The following HDAC1 variants were observed in gnomAD, a reference collection of about 807,000 sequenced individuals.
HDAC1 encodes histone deacetylase 1, also known as protein deacetylase HDAC1.
HDAC1 carries 18 observed loss-of-function variants against 65.5 expected under a neutral mutation model. That is an observed-to-expected ratio of 0.27 (90% CI 0.19 to 0.41). HDAC1 has a LOEUF of 0.41. Among genes scored for constraint, HDAC1 ranks in the 10% least tolerant of loss-of-function variants. The pLI, the probability that HDAC1 is intolerant of heterozygous loss-of-function variation, is 1.00. For synonymous variants in HDAC1, 211 were observed against 227.9 expected (o/e 0.93, Z 0.67); for missense variants, 373 against 625.2 (o/e 0.60, Z 4.30).
chr1:32,324,376 C>T lies in HDAC1; in HGVS notation c.281-103C>T, dbSNP rs1054619080. 3.3e-5 allele frequency: 26 copies of T among 791,276 alleles called. No homozygotes were observed. In the African/African-American group the frequency reaches 3.6e-4, roughly 11 times the overall value. The allele number at this position is 791,276 out of a possible 1,614,324, so 49.0% of individuals were successfully genotyped here. ...CCAGGAAGTAGAGCCTGGACTAGAA[C>T]CCACACCTCCTGAATTTAAATTCTG... On this transcript the variant is annotated intron_variant, in intron 3 of 13. Coordinates refer to ENST00000373548, the MANE Select transcript of HDAC1 (RefSeq NM_004964.3).
Position 32,327,769 on chromosome 1 carries a change from C to A in HDAC1, c.636+92C>A. Reference sequence around the variant, plus strand: ...TCATGCCACTAAAAATTGCTTCTTGCCTCTTCTGCCAATCAGAATACCACA... The same window carrying A: ...TCATGCCACTAAAAATTGCTTCTTGACTCTTCTGCCAATCAGAATACCACA... On this transcript the variant is annotated intron_variant, in intron 6 of 13. Transcript: ENST00000373548. This position sits in a 1 kb window ranked among gnomAD's most constrained non-coding sequence, Gnocchi z 6.0. 1.8e-6 allele frequency: 2 copies of A among 1,085,916 alleles called. No homozygotes were observed. Among genetic ancestry groups the A allele is most frequent in the Non-Finnish European group, 1.4e-6 (1 of 712,522 alleles). 67.3% of individuals were successfully genotyped at this position (1,085,916 alleles called of 1,614,324 possible).
chr1:32,330,366 T>A lies in HDAC1; in HGVS notation c.730-212T>A. On this transcript the variant is annotated intron_variant, in intron 7 of 13. Coordinates refer to ENST00000373548, the MANE Select transcript of HDAC1 (RefSeq NM_004964.3). This position sits in a 1 kb window ranked among gnomAD's most constrained non-coding sequence, Gnocchi z 4.2. ...TCTAGGTTCAGTGTTACTAGAGTGT[T>A]AGAAGGGTCTTAGAGAACTTTTTAA... 3.7e-6 allele frequency: 2 copies of A among 542,372 alleles called. No individual in the cohort carries two copies. Among genetic ancestry groups the A allele is most frequent in the Non-Finnish European group, 6.7e-6 (2 of 299,922 alleles). 33.6% of individuals were successfully genotyped at this position (542,372 alleles called of 1,614,324 possible). A position where few individuals can be genotyped will look rare whatever the true frequency, so the allele number is the denominator to read the frequency against.
chr1:32,333,336 A>G lies in HDAC1; in HGVS notation c.*292A>G, dbSNP rs1570045617. The G allele has an allele frequency of 3.9e-6, 1 of 255,280 alleles. No individual in the cohort carries two copies. The highest frequency in any genetic ancestry group is 7.9e-5 in the East Asian group (1 of 12,668). The allele number at this position is 255,280 out of a possible 1,614,324, so 15.8% of individuals were successfully genotyped here. A position where few individuals can be genotyped will look rare whatever the true frequency, so the allele number is the denominator to read the frequency against. On this transcript the variant is annotated 3_prime_UTR_variant, in exon 14 of 14. Coordinates refer to ENST00000373548, the MANE Select transcript of HDAC1 (RefSeq NM_004964.3). ...CATAAGACAAACTCCTGAAATGCCA[A>G]GTGCCTGCTTAGTAGCTTTGGAAAG...
intron 2 of HDAC1, among the ~76,000 whole-genome samples, chr1:32,315,356 T>A (rs1000266721): frequency 2.0e-5 from 3 of 151,738 alleles, no homozygotes; most frequent in Admixed American, 6.6e-5. Context: ...ATATTTTTTT[T>A]AATTTATTTT....
chr1:32,313,081 AT>A lies in HDAC1; in HGVS notation c.163-3580del, dbSNP rs538923625. On this transcript the variant is annotated intron_variant, in intron 2 of 13. Transcript: ENST00000373548. Reference sequence around the variant, plus strand: ...GAGAGATTGCCCAATAACTTATTTTATTTTATTTATTTATTTATTTATTTAT... The same window carrying A: ...GAGAGATTGCCCAATAACTTATTTTATTTATTTATTTATTTATTTATTTAT... 3.5e-3 allele frequency among the ~76,000 whole-genome samples: 500 copies of A among 141,720 alleles called. 3 individuals are homozygous for A. Among genetic ancestry groups the A allele is most frequent in the African/African-American group, 9.3e-3 (371 of 39,862 alleles). The allele number at this position is 141,720 out of a possible 152,430, so 93.0% of individuals were successfully genotyped here. A position where few individuals can be genotyped will look rare whatever the true frequency, so the allele number is the denominator to read the frequency against.
chr1:32,293,070 C>A (rs1201309860), intron 1 of HDAC1, among the ~76,000 whole-genome samples: 4 of 152,188 alleles, frequency 2.6e-5, no homozygotes, highest in Non-Finnish European at 5.9e-5. Context: ...CCTGTAATCC[C>A]AGCACTTTGG....
chr1:32,295,735 C>T (rs189368651), intron 1 of HDAC1, among the ~76,000 whole-genome samples: 72 of 152,200 alleles, frequency 4.7e-4, no homozygotes, highest in Admixed American at 2.6e-3. Flanking sequence ...ACATTCAGAC[C>T]ATAACAATCA....
rs1264509820 is a variant in HDAC1 at position 32,327,234 on chromosome 1, T to TCTTG, written c.494+158_494+161dup. On this transcript the variant is annotated intron_variant, in intron 5 of 13. Transcript: ENST00000373548. The surrounding 1 kb of genome is among the most constrained non-coding windows in gnomAD (Gnocchi z 6.0). ...TCTGGCCATCATCTCCTTGATGGGGTCTTGGTTTGATCTGAGCCACGGCAT... is the reference window on the plus strand; with the variant it reads ...TCTGGCCATCATCTCCTTGATGGGGTCTTGCTTGGTTTGATCTGAGCCACGGCAT... The TCTTG allele has an allele frequency of 2.8e-6, 2 of 716,706 alleles. No individual in the cohort carries two copies. The highest frequency in any genetic ancestry group is 4.7e-6 in the Non-Finnish European group (2 of 429,932). 44.4% of individuals were successfully genotyped at this position (716,706 alleles called of 1,614,324 possible).
intron 1 of HDAC1, among the ~76,000 whole-genome samples, chr1:32,294,313 T>C (rs543792333): frequency 6.6e-6 from 1 of 151,340 alleles, no homozygotes; most frequent in South Asian, 2.1e-4. Context: ...CATGCCTGGC[T>C]AGTTTTTGTA....
At chr1:32,316,926 T>TC in intron 3 of HDAC1, 144 bp downstream of exon 3, 1 of 663,784 alleles carries the variant, frequency 1.5e-6, no homozygotes, top group East Asian at 2.5e-5. Flanking sequence ...GAGTGCTTTT[T>TC]CCCCTCAAGT....
At chr1:32,293,306 G>C (rs1273937469) in intron 1 of HDAC1, among the ~76,000 whole-genome samples, 2 of 148,994 alleles carry the variant, frequency 1.3e-5, no homozygotes, top group East Asian at 3.9e-4. Flanking sequence ...GGACAACAGA[G>C]CGAGGCTCTG....
chr1:32,299,333 A>C (rs571894885), intron 1 of HDAC1, among the ~76,000 whole-genome samples: 2 of 152,242 alleles, frequency 1.3e-5, no homozygotes, highest in South Asian at 4.1e-4. Flanking sequence ...CTGTAATCCC[A>C]GCACTTTAGA....
rs529698419 is a variant in HDAC1, at chr1:32,332,020, A to G, written c.1220-70A>G. ...TCTCTTGGAGGACACGCAGGGAAGC[A>G]CTGGGCATAGATGCTGAGCTAAATC... On this transcript the variant is annotated intron_variant, in intron 11 of 13. Coordinates refer to ENST00000373548, the MANE Select transcript of HDAC1 (RefSeq NM_004964.3). 129 of 1,473,370 alleles carry G rather than the reference A, an allele frequency of 8.8e-5. No individual in the cohort carries two copies. In the Admixed American group the frequency reaches 1.3e-3, roughly 15 times the overall value. The allele number at this position is 1,473,370 out of a possible 1,614,324, so 91.3% of individuals were successfully genotyped here. A position where few individuals can be genotyped will look rare whatever the true frequency, so the allele number is the denominator to read the frequency against.
At chr1:32,316,826 A>C in intron 3 of HDAC1, 44 bp downstream of exon 3, 1 of 1,225,182 alleles carries the variant, frequency 8.2e-7, no homozygotes, top group Non-Finnish European at 1.2e-6. Context: ...CGCCAGTTGC[A>C]TCTCCCTTTC....
At chr1:32,294,998 T>C (rs1416222953) in intron 1 of HDAC1, among the ~76,000 whole-genome samples, 1 of 152,072 alleles carries the variant, frequency 6.6e-6, no homozygotes, top group African/African-American at 2.4e-5. Context: ...GAAATAACTA[T>C]TGATAACTGT....
At chr1:32,314,332 A>G (rs890753620) in intron 2 of HDAC1, among the ~76,000 whole-genome samples, 3 of 152,088 alleles carry the variant, frequency 2.0e-5, no homozygotes, top group South Asian at 2.1e-4. Flanking sequence ...AGTTAGGACT[A>G]TAGGCAAGTG....
chr1:32,292,595 T>C, intron 1 of HDAC1, among the ~76,000 whole-genome samples: 1 of 151,944 alleles, frequency 6.6e-6, no homozygotes, highest in East Asian at 1.9e-4. Flanking sequence ...CCCTGCCCCG[T>C]CCCTTCCTCA....
At chr1:32,326,798 G>A in intron 4 of HDAC1, 141 bp from the exon 5 acceptor site, 1 of 753,578 alleles carries the variant, frequency 1.3e-6, no homozygotes, top group Non-Finnish European at 2.1e-6. Context: ...AGTAGGGTGG[G>A]AGGGAGGGGA....
intron 2 of HDAC1, among the ~76,000 whole-genome samples, chr1:32,314,773 C>G (rs1194944042): frequency 6.7e-6 from 1 of 150,290 alleles, no homozygotes; most frequent in Non-Finnish European, 1.5e-5. Context: ...TTGCAGTGAG[C>G]CGAGATCGCG....
Sources: allele counts gnomAD v4.1 joint callset (sites outside exome capture counted in the v4.1 genomes callset), GRCh38; gene constraint gnomAD v4.1.1; non-coding constraint Gnocchi (gnomAD v3.1); transcripts MANE v1.5; gene names NCBI Gene and HGNC (gene_info 2026-07-23, HGNC 2026-07-21).